VAV3: variants seen among roughly 807,000 people sequenced by gnomAD.
VAV3 encodes guanine nucleotide exchange factor VAV3.
Under a neutral mutation model 131.2 loss-of-function variants are expected in VAV3, and 94 were observed. That is an observed-to-expected ratio of 0.72 (90% CI 0.61 to 0.85). VAV3 has a LOEUF of 0.85. Ranked by LOEUF, VAV3 falls within the 40% of genes least tolerant of loss-of-function variation. The pLI, the probability that VAV3 is intolerant of heterozygous loss-of-function variation, is 0.00. For synonymous variants in VAV3, 349 were observed against 342.0 expected (o/e 1.02, Z -0.22); for missense variants, 939 against 1,002.7 (o/e 0.94, Z 0.86).
chr1:107,894,782 C>T (rs1343537784), intron 1 of VAV3, among the ~76,000 whole-genome samples: 8 of 152,104 alleles, frequency 5.3e-5, no homozygotes, highest in Admixed American at 5.2e-4. Context: ...ATGTACTTCC[C>T]CAAACATTTC....
chr1:107,828,737 C>A (rs765568152), intron 2 of VAV3, among the ~76,000 whole-genome samples: 8 of 152,126 alleles, frequency 5.3e-5, no homozygotes, highest in Non-Finnish European at 1.2e-4. Flanking sequence ...TGGGCCCACC[C>A]AGATAATCCA....
rs1211956564 is a variant in VAV3, at chr1:107,901,357, C to A, written c.205-26340G>T. ...TATTTTAAATTTTCACCAAAAAAAT[C>A]ACAAGAATATTCAGCATCTGATACT... is the stretch of plus-strand genomic sequence containing the variant. On this transcript the variant is annotated intron_variant, in intron 1 of 26. Transcript: ENST00000370056. 2.6e-5 allele frequency among the ~76,000 whole-genome samples: 4 copies of A among 152,226 alleles called. No homozygotes were observed. In the East Asian group the frequency reaches 7.7e-4, roughly 29 times the overall value.
intron 15 of VAV3, among the ~76,000 whole-genome samples, chr1:107,743,369 G>A (rs961445782): frequency 6.6e-6 from 1 of 152,116 alleles, no homozygotes; most frequent in Non-Finnish European, 1.5e-5. Flanking sequence ...ACTGGTGAGA[G>A]ATTGATTACA....
chr1:107,846,684 T>C (rs540219853), intron 2 of VAV3, among the ~76,000 whole-genome samples: 42 of 152,186 alleles, frequency 2.8e-4, no homozygotes, highest in African/African-American at 9.6e-4. Context: ...AAAAAGGGCA[T>C]TACATAATGG....
chr1:107,853,512 T>C (rs1289744517), intron 2 of VAV3, among the ~76,000 whole-genome samples: 1 of 151,980 alleles, frequency 6.6e-6, no homozygotes, highest in Non-Finnish European at 1.5e-5. Context: ...TAAATGAAAA[T>C]GTATCACCTT....
intron 7 of VAV3, 66 bp downstream of exon 7, chr1:107,768,375 A>T: frequency 8.5e-7 from 1 of 1,182,352 alleles, no homozygotes. Context: ...GGGATCTGGA[A>T]CCCCCTAAGG....
intron 2 of VAV3, among the ~76,000 whole-genome samples, chr1:107,823,136 G>C (rs1020712872): frequency 1.3e-5 from 2 of 152,148 alleles, no homozygotes; most frequent in East Asian, 1.9e-4. Context: ...AAAGGAGAAG[G>C]AGGAAGATGG....
intron 11 of VAV3, among the ~76,000 whole-genome samples, chr1:107,756,871 C>T (rs1366546645): frequency 6.6e-6 from 1 of 151,776 alleles, no homozygotes; most frequent in Non-Finnish European, 1.5e-5. Flanking sequence ...TTACACAAGC[C>T]AACGTTTTCT....
intron 2 of VAV3, among the ~76,000 whole-genome samples, chr1:107,874,369 A>C (rs892688231): frequency 4.6e-5 from 7 of 152,226 alleles, no homozygotes; most frequent in African/African-American, 1.7e-4. Context: ...AAATTCAAGC[A>C]ACAGAAATTA....
At chr1:107,585,755 C>A (rs1341366756) in intron 25 of VAV3, among the ~76,000 whole-genome samples, 2 of 152,182 alleles carry the variant, frequency 1.3e-5, no homozygotes, top group Non-Finnish European at 2.9e-5. Flanking sequence ...GAACAACACA[C>A]AATCAGAGAA....
At chr1:107,709,534 C>T (rs1232006047) in intron 15 of VAV3, among the ~76,000 whole-genome samples, 1 of 152,176 alleles carries the variant, frequency 6.6e-6, no homozygotes, top group Non-Finnish European at 1.5e-5. Flanking sequence ...CATATATCCT[C>T]TCTTTATTGT....
At chr1:107,791,009 A>G (rs1210248183) in intron 2 of VAV3, among the ~76,000 whole-genome samples, 1 of 151,908 alleles carries the variant, frequency 6.6e-6, no homozygotes, top group Non-Finnish European at 1.5e-5. Context: ...TCTAAGCTGT[A>G]TTTCTTCTTG....
rs191620266 is a variant in VAV3, at chr1:107,572,296, C to T, written c.*1035G>A. 2 of 152,238 alleles carry T rather than the reference C, an allele frequency of 1.3e-5. No individual in the cohort carries two copies. The highest frequency in any genetic ancestry group is 2.4e-5 in the African/African-American group (1 of 41,516). 9.4% of individuals were successfully genotyped at this position (152,238 alleles called of 1,614,324 possible). A position where few individuals can be genotyped will look rare whatever the true frequency, so the allele number is the denominator to read the frequency against. On this transcript the variant is annotated 3_prime_UTR_variant, in exon 27 of 27. Transcript: ENST00000370056. Reference sequence around the variant, plus strand: ...TCTGTCCCAGAAATGAATAAAGGACCCAGTTGTGCTTTCCTTCCAAAATCC... The same window carrying T: ...TCTGTCCCAGAAATGAATAAAGGACTCAGTTGTGCTTTCCTTCCAAAATCC...
chr1:107,777,565 G>T, intron 3 of VAV3: 4 of 490,842 alleles, frequency 8.1e-6, no homozygotes, highest in Non-Finnish European at 1.5e-5. Flanking sequence ...ATGTGCAGGG[G>T]GTCATAATAA....
intron 2 of VAV3, among the ~76,000 whole-genome samples, chr1:107,833,010 C>T (rs7522544): frequency 0.058 from 8,781 of 151,894 alleles, 487 homozygotes; most frequent in African/African-American, 0.15. Flanking sequence ...TGATTTTTTT[C>T]GCAACTAGAA....
At chr1:107,588,450 T>G (rs896044091) in intron 25 of VAV3, among the ~76,000 whole-genome samples, 1 of 152,188 alleles carries the variant, frequency 6.6e-6, no homozygotes, top group Non-Finnish European at 1.5e-5. Context: ...CACTTCACAC[T>G]GGGTACCAGT....
At chr1:107,806,249 C>G (rs1488391613) in intron 2 of VAV3, among the ~76,000 whole-genome samples, 2 of 152,228 alleles carry the variant, frequency 1.3e-5, no homozygotes, top group Non-Finnish European at 2.9e-5. Flanking sequence ...CTCACTTTTT[C>G]CAGTGTTAGA....
At chr1:107,669,541 CTA>C in intron 19 of VAV3, 2 of 1,251,000 alleles carry the variant, frequency 1.6e-6, no homozygotes, top group Non-Finnish European at 2.1e-6. Flanking sequence ...GGATCCATTC[CTA>C]TCTTTGATAC....
chr1:107,610,306 G>A (rs986634359), intron 21 of VAV3, among the ~76,000 whole-genome samples: 2 of 151,868 alleles, frequency 1.3e-5, no homozygotes, highest in Non-Finnish European at 2.9e-5. Context: ...TAAGAAAACC[G>A]AATAGCACTT....
Sources: gnomAD v4.1 joint callset for allele counts (sites outside exome capture counted in the v4.1 genomes callset) on GRCh38, gnomAD v4.1.1 for gene constraint, MANE v1.5 for transcripts, NCBI Gene and HGNC (gene_info 2026-07-23, HGNC 2026-07-21) for gene names.